SLC19A1: variants seen among roughly 807,000 people sequenced by gnomAD.
SLC19A1 encodes reduced folate transporter.
Under a neutral mutation model 35.3 loss-of-function variants are expected in SLC19A1, and 37 were observed. The observed-to-expected ratio is 1.05, with a 90% CI of 0.81 to 1.38. The LOEUF is 1.38. SLC19A1 is among the 40% of genes most tolerant of loss of function. The pLI, the probability that SLC19A1 is intolerant of heterozygous loss-of-function variation, is 0.00. For synonymous variants in SLC19A1, 460 were observed against 398.5 expected, an observed-to-expected ratio of 1.15 and a Z score of -1.84; for missense variants, 831 against 826.9, an observed-to-expected ratio of 1.00 and a Z score of -0.06.
At chr21:45,526,442 A>T (rs1172484048) in intron 4 of SLC19A1, among the ~76,000 whole-genome samples, 1 of 152,212 alleles carries the variant, frequency 6.6e-6, no homozygotes, top group Admixed American at 6.5e-5. Context: ...TGAGTTCTGG[A>T]GTAATTTTGT....
At chr21:45,560,139 G>A (rs185417787) in intron 1 of SLC19A1, among the ~76,000 whole-genome samples, 3 of 152,162 alleles carry the variant, frequency 2.0e-5, no homozygotes, top group South Asian at 2.1e-4. Flanking sequence ...AGCATAAACC[G>A]TGCAGCCTTC....
downstream of SLC19A1, chr21:45,512,051 C>T: frequency 1.1e-6 from 1 of 919,480 alleles, no homozygotes; most frequent in South Asian, 1.4e-5. Flanking sequence ...ATGTGGCCCT[C>T]CAGGTTGTGG....
At chr21:45,511,173 C>T (rs371424181), downstream of SLC19A1, 35 of 1,601,518 alleles carry the variant, frequency 2.2e-5, no homozygotes, top group Non-Finnish European at 2.7e-5. Flanking sequence ...CGCTGAAGCC[C>T]GGGGCACGCA....
At chr21:45,525,236 G>C (rs2146286357) in intron 5 of SLC19A1, among the ~76,000 whole-genome samples, 1 of 152,348 alleles carries the variant, frequency 6.6e-6, no homozygotes, top group Non-Finnish European at 1.5e-5. Flanking sequence ...TCTAGCTGCA[G>C]GCTGGGGCAG....
intron 3 of SLC19A1, chr21:45,506,196 G>C (rs2146090542): frequency 1.7e-6 from 1 of 582,174 alleles, no homozygotes; most frequent in African/African-American, 1.9e-5. Flanking sequence ...CACATGGCGT[G>C]TGAGGGGCTC....
Position 45,531,413 on chromosome 21 carries a change from C to A in SLC19A1, c.925G>T (p.Ala309Ser). The change falls in exon 3 of 6, where the codon GCA becomes TCA. Residue 309 changes from alanine (A) to serine (S), a missense_variant. Coordinates refer to ENST00000311124, the MANE Select transcript of SLC19A1 (RefSeq NM_194255.4). ...TNSARVYNGAADAASTLLGAI... is the reference protein window; with the variant it reads ...TNSARVYNGASDAASTLLGAI... ...CCCAGCAGCGTGGAGGCAGCATCTG[C>A]CGCGCCGTTGTAGACCCGCGCACTG... The A allele has an allele frequency of 6.3e-7, 1 of 1,591,694 alleles. No individual in the cohort carries two copies. Among genetic ancestry groups the A allele is most frequent in the South Asian group, 1.1e-5 (1 of 88,194 alleles).
intron 3 of SLC19A1, chr21:45,505,298 G>A: frequency 6.2e-7 from 1 of 1,605,762 alleles, no homozygotes; most frequent in Non-Finnish European, 8.5e-7. Context: ...TGGGGAGTGG[G>A]CCCCGGGCAG....
upstream of SLC19A1, among the ~76,000 whole-genome samples, chr21:45,543,035 G>T (rs561532241): frequency 3.2e-4 from 49 of 152,198 alleles, no homozygotes; most frequent in African/African-American, 1.1e-3. Context: ...CCGCCCTCCT[G>T]CCTGACCGTG....
chr21:45,532,143 C>G lies in SLC19A1; in HGVS notation c.195G>C (p.Thr65=), dbSNP rs775214468. The change falls in exon 3 of 6, where the codon ACG becomes ACC. Residue 65 remains threonine (T), a synonymous_variant. Coordinates refer to ENST00000311124, the MANE Select transcript of SLC19A1 (RefSeq NM_194255.4). ...ACGACAGCACCGGCGTGATCTCGTT[C>G]GTGACCTGCGGACAGGCGGGCGTGC... ...PDKNFTREQV[T]NEITPVLSYS... is the part of the protein sequence containing the mutation. 1.3e-6 allele frequency: 2 copies of G among 1,594,596 alleles called. No individual in the cohort carries two copies. Among genetic ancestry groups the G allele is most frequent in the South Asian group, 1.1e-5 (1 of 89,214 alleles).
Position 45,530,761 on chromosome 21 carries a change from G to A in SLC19A1, c.1151+9C>T. ...CCCGCCCCCGGCTTCCCACCCTTCTGGAACTCACGTGGCGATGGGCACGAG... is the reference window on the plus strand; with the variant it reads ...CCCGCCCCCGGCTTCCCACCCTTCTAGAACTCACGTGGCGATGGGCACGAG... On this transcript the variant is annotated intron_variant, in intron 4 of 5. Coordinates refer to ENST00000311124, the MANE Select transcript of SLC19A1 (RefSeq NM_194255.4). The surrounding 1 kb of genome is among the most constrained non-coding windows in gnomAD (Gnocchi z 5.3). 6.4e-7 allele frequency: 1 copy of A among 1,552,104 alleles called. No homozygotes were observed.
At chr21:45,523,249 A>T (rs7280587) in intron 5 of SLC19A1, among the ~76,000 whole-genome samples, 111 of 152,028 alleles carry the variant, frequency 7.3e-4, no homozygotes, top group African/African-American at 2.5e-3. Context: ...AGCCCGCACC[A>T]CCTCCTCTAG....
rs35764705 is a variant in SLC19A1, at chr21:45,514,877, A to G, written c.*781T>C. ...CAGCCCCCCCAAGGCTGCCCAGCCC[A>G]GGCAAGCCTGGCACATACCAAGGCC... On this transcript the variant is annotated 3_prime_UTR_variant, in exon 6 of 6. Coordinates refer to ENST00000311124, the MANE Select transcript of SLC19A1 (RefSeq NM_194255.4). The G allele has an allele frequency of 3.1e-3, 2,978 of 958,878 alleles. 41 individuals carry two copies. Among genetic ancestry groups the G allele is most frequent in the South Asian group, 0.022 (1,052 of 47,894 alleles). The allele number at this position is 958,878 out of a possible 1,614,324, so 59.4% of individuals were successfully genotyped here. A position where few individuals can be genotyped will look rare whatever the true frequency, so the allele number is the denominator to read the frequency against.
In SLC19A1 at chr21:45,540,353, G is replaced by A. The variant is rs921156685; in HGVS notation, c.-50+2015C>T. On this transcript the variant is annotated intron_variant, in intron 1 of 5. Transcript: ENST00000311124. The surrounding 1 kb of genome is among the most constrained non-coding windows in gnomAD (Gnocchi z 5.5). ...GAGCTGAACTAAGCCCAGGGTCTGC[G>A]CCCACAGTCCATGGCCGCAGGAGTC... Among the ~76,000 whole-genome samples, 1 of 152,112 alleles carries A rather than the reference G, an allele frequency of 6.6e-6. No individual in the cohort carries two copies. The highest frequency in any genetic ancestry group is 2.4e-5 in the African/African-American group (1 of 41,418).
intron 1 of SLC19A1, among the ~76,000 whole-genome samples, chr21:45,558,397 C>T (rs773710446): frequency 1.3e-5 from 2 of 152,182 alleles, no homozygotes; most frequent in Non-Finnish European, 2.9e-5. Flanking sequence ...TTGAAGGATT[C>T]GCCCCATTGT....
At chr21:45,512,302 G>T, downstream of SLC19A1, 2 of 1,612,362 alleles carry the variant, frequency 1.2e-6, no homozygotes, top group Non-Finnish European at 8.5e-7. Context: ...CCTCCTCGCT[G>T]CTGGGGGGCA....
chr21:45,525,565 G>A (rs1056723861), intron 5 of SLC19A1, among the ~76,000 whole-genome samples: 6 of 152,206 alleles, frequency 3.9e-5, no homozygotes, highest in Admixed American at 6.5e-5. Flanking sequence ...CCGCCGTGGC[G>A]AGCAGAGGCT....
downstream of SLC19A1, chr21:45,507,644 G>C (rs75571235): frequency 1.3e-6 from 2 of 1,541,610 alleles, no homozygotes; most frequent in South Asian, 2.3e-5. Context: ...GACATGAGGG[G>C]GTATGTGCTG....
intron 2 of SLC19A1, among the ~76,000 whole-genome samples, chr21:45,537,310 A>C (rs2078144896): frequency 6.6e-6 from 1 of 152,172 alleles, no homozygotes; most frequent in Non-Finnish European, 1.5e-5. Flanking sequence ...CTCCAGGACC[A>C]TATTATCAGC....
intron 3 of SLC19A1, chr21:45,505,508 A>G (rs1015366120): frequency 1.2e-6 from 1 of 802,726 alleles, no homozygotes; most frequent in South Asian, 1.4e-5. Context: ...CCTCAGAGAC[A>G]CTCTCCCACG....
Sources: allele counts gnomAD v4.1 joint callset (sites outside exome capture counted in the v4.1 genomes callset), GRCh38; gene constraint gnomAD v4.1.1; non-coding constraint Gnocchi (gnomAD v3.1); transcripts MANE v1.5; gene names NCBI Gene and HGNC (gene_info 2026-07-23, HGNC 2026-07-21).